The following ZNF236 variants were observed in gnomAD, a reference collection of about 807,000 sequenced individuals.
ZNF236 encodes the protein zinc finger protein 236.
ZNF236 carries 50 observed loss-of-function variants against 191.2 expected under a neutral mutation model. That is an observed-to-expected ratio of 0.26 (90% confidence interval 0.21 to 0.33). The LOEUF (loss-of-function observed/expected upper bound fraction) is 0.33. ZNF236 is among the 10% of genes least tolerant of loss of function. The pLI, the probability that ZNF236 is intolerant of heterozygous loss-of-function variation, is 1.00. For missense variants in ZNF236, 1,754 were observed against 2,374.5 expected, an observed-to-expected ratio of 0.74 and a Z score of 5.43; for synonymous variants, 907 against 928.8, an observed-to-expected ratio of 0.98 and a Z score of 0.43.
chr18:76,892,908 G>A (rs1393520425), intron 9 of ZNF236, among the ~76,000 whole-genome samples: 1 of 152,238 alleles, frequency 6.6e-6, no homozygotes, highest in African/African-American at 2.4e-5. Flanking sequence ...CTCCAGGAAA[G>A]CTTGCCATGT....
At chr18:76,905,436 C>A in intron 13 of ZNF236, 21 bp downstream of exon 13, 1 of 1,601,898 alleles carries the variant, frequency 6.2e-7, no homozygotes. Flanking sequence ...TTCTGGTGGT[C>A]ACTTTTTATC....
chr18:76,824,261 A>T, intron 1 of ZNF236: 1 of 776,616 alleles, frequency 1.3e-6, no homozygotes, highest in East Asian at 2.4e-5. Flanking sequence ...CCAAACCAGG[A>T]ATTCTTGTCG....
rs145296710 is a variant in ZNF236, at chr18:76,950,837, A to G, written c.4914+3185A>G. On this transcript the variant is annotated intron_variant, in intron 27 of 30. Coordinates refer to ENST00000320610, the MANE Select transcript of ZNF236 (RefSeq NM_001306089.2). ...TGTCGGCTACAGCCTTATGAGATGTATTTCTTAGTAAGACTTGAAAGTTGA... is the reference window on the plus strand; with the variant it reads ...TGTCGGCTACAGCCTTATGAGATGTGTTTCTTAGTAAGACTTGAAAGTTGA... Among the ~76,000 whole-genome samples the G allele has an allele frequency of 3.7e-4, 57 of 152,354 alleles. No individual in the cohort carries two copies. The East Asian group carries it at 0.011, about 28-fold the overall frequency.
chr18:76,834,965 C>A, intron 1 of ZNF236: 4 of 160,078 alleles, frequency 2.5e-5, no homozygotes, highest in Non-Finnish European at 5.3e-5. Context: ...TCTGTACCTA[C>A]ATTTTATTTT....
intron 1 of ZNF236, among the ~76,000 whole-genome samples, chr18:76,825,845 A>C (rs9807620): frequency 0.017 from 2,569 of 152,094 alleles, 67 homozygotes; most frequent in African/African-American, 0.058. Context: ...TCCTGGGCTC[A>C]AGTGATTCTC....
At chr18:76,959,141 A>G (rs1201389869) in intron 28 of ZNF236, among the ~76,000 whole-genome samples, 1 of 152,212 alleles carries the variant, frequency 6.6e-6, no homozygotes, top group African/African-American at 2.4e-5. Context: ...TTGGCTTTAA[A>G]AGCCTCTGTC....
intron 16 of ZNF236, 86 bp downstream of exon 16, chr18:76,910,897 AG>A: frequency 1.3e-6 from 2 of 1,503,734 alleles, no homozygotes; most frequent in Non-Finnish European, 1.8e-6. Flanking sequence ...AATTTCCTTA[AG>A]GGAAATTTTA....
chr18:76,956,051 T>C lies in ZNF236; in HGVS notation c.4981T>C (p.Cys1661Arg), dbSNP rs747668402. ...QPEKEGRAHQ[C>R]LECDRAFSSA... ...AGAGAAGGAGGGCCGGGCGCACCAG[T>C]GCCTGGAGTGTGACCGCGCCTTCTC... is the stretch of plus-strand genomic sequence containing the variant. The change falls in exon 28 of 31, where the codon TGC (cysteine) becomes CGC (arginine). Residue 1661 changes from cysteine to arginine, a missense_variant. Cys to Arg is a radical substitution (Grantham distance 180). This residue lies in a region of ZNF236 where 606 missense variants were observed against 761.5 expected (regional missense o/e 0.80). Coordinates refer to ENST00000320610, the MANE Select transcript of ZNF236 (RefSeq NM_001306089.2). The C allele has an allele frequency of 6.2e-7, 1 of 1,609,484 alleles. No individual in the cohort carries two copies. The highest frequency in any genetic ancestry group is 2.2e-5 in the East Asian group (1 of 44,778).
At chr18:76,834,434 C>T (rs571924330) in intron 1 of ZNF236, 112 of 219,596 alleles carry the variant, frequency 5.1e-4, no homozygotes, top group Admixed American at 1.2e-3. Context: ...TTACTTTATT[C>T]CTGCATCTGC....
In ZNF236 at chr18:76,972,750, TTC is replaced by T. The variant is rs1490031521; in HGVS notation, c.*4415_*4416del. On this transcript the variant is annotated 3_prime_UTR_variant, in exon 31 of 31. Transcript: ENST00000320610. ...TTAATTTTTTTTAATTACAGAAGAA[TTC>T]TCTTTTTATCTTCACAATTGTTTCA... Among the ~76,000 whole-genome samples the T allele has an allele frequency of 6.6e-6, 1 of 152,234 alleles. No homozygotes were observed. The highest frequency in any genetic ancestry group is 2.4e-5 in the African/African-American group (1 of 41,460).
In ZNF236 at chr18:76,971,363, G is replaced by A. The variant is rs1346445219; in HGVS notation, c.*3024G>A. ...CTAAATAGAGGAAATGCTATGACAT[G>A]GCATCTGACAGCTTGCAGCCAGGTC... On this transcript the variant is annotated 3_prime_UTR_variant, in exon 31 of 31. Transcript: ENST00000320610. 6.6e-6 allele frequency among the ~76,000 whole-genome samples: 1 copy of A among 152,186 alleles called. No individual in the cohort carries two copies. The highest frequency in any genetic ancestry group is 1.5e-5 in the Non-Finnish European group (1 of 68,032).
At chr18:76,853,878 G>A (rs1245590669) in intron 3 of ZNF236, among the ~76,000 whole-genome samples, 2 of 151,944 alleles carry the variant, frequency 1.3e-5, no homozygotes, top group Middle Eastern at 3.2e-3. Context: ...AGGCATGGTG[G>A]CAGGCCCTAT....
intron 2 of ZNF236, 144 bp from the exon 3 acceptor site, chr18:76,851,631 T>G (rs1324440505): frequency 3.6e-6 from 3 of 835,642 alleles, no homozygotes; most frequent in Admixed American, 3.3e-5. Context: ...ATTTTGGATT[T>G]ATTGACTTAA....
chr18:76,827,929 A>G (rs566874237), intron 1 of ZNF236, among the ~76,000 whole-genome samples: 294 of 151,920 alleles, frequency 1.9e-3, no homozygotes, highest in African/African-American at 6.6e-3. Flanking sequence ...ATAGTGCAAA[A>G]TTTTTCTTTT....
intron 25 of ZNF236, among the ~76,000 whole-genome samples, chr18:76,934,782 C>A (rs1156991882): frequency 6.6e-6 from 1 of 152,242 alleles, no homozygotes; most frequent in Non-Finnish European, 1.5e-5. Context: ...CTGCCGCCCC[C>A]ACCTCCTGTC....
At chr18:76,884,674 C>T (rs1393890123) in intron 9 of ZNF236, among the ~76,000 whole-genome samples, 1 of 152,158 alleles carries the variant, frequency 6.6e-6, no homozygotes, top group Non-Finnish European at 1.5e-5. Flanking sequence ...GGCTGGCATC[C>T]TACTGTCCTA....
chr18:76,931,978 G>A (rs1350138283), intron 25 of ZNF236, among the ~76,000 whole-genome samples: 15 of 152,148 alleles, frequency 9.9e-5, no homozygotes, highest in African/African-American at 3.1e-4. Context: ...CTCTTGTCCC[G>A]TAGTTCATTT....
At chr18:76,961,464 G>A (rs994992171) in intron 30 of ZNF236, among the ~76,000 whole-genome samples, 5 of 151,114 alleles carry the variant, frequency 3.3e-5, no homozygotes, top group African/African-American at 1.2e-4. Flanking sequence ...TGGACATTTG[G>A]TTTGGTTCCC....
chr18:76,839,976 C>T (rs903932982), intron 1 of ZNF236, among the ~76,000 whole-genome samples: 1 of 152,210 alleles, frequency 6.6e-6, no homozygotes, highest in Non-Finnish European at 1.5e-5. Flanking sequence ...CTGTTACTTT[C>T]AGATCCTGAG....
Sources: allele counts gnomAD v4.1 joint callset (sites outside exome capture counted in the v4.1 genomes callset), GRCh38; gene constraint gnomAD v4.1.1; regional missense constraint gnomAD v4.1.1; transcripts MANE v1.5; gene names NCBI Gene and HGNC (gene_info 2026-07-23, HGNC 2026-07-21).